SGCZ: variants seen among roughly 807,000 people sequenced by gnomAD.
SGCZ encodes the protein sarcoglycan zeta.
Under a neutral mutation model 41.3 loss-of-function variants are expected in SGCZ, and 40 were observed. The observed-to-expected ratio is 0.97, with a 90% CI of 0.75 to 1.26. The LOEUF (loss-of-function observed/expected upper bound fraction) is 1.26. Among genes scored for constraint, SGCZ ranks in the 50% most tolerant of loss-of-function variants. The pLI, the probability that SGCZ is intolerant of heterozygous loss-of-function variation, is 0.00. For synonymous variants in SGCZ, 206 were observed against 137.5 expected (o/e 1.50, Z -3.49); for missense variants, 552 against 369.8 (o/e 1.49, Z -4.04).
chr8:14,424,050 T>C (rs1169154782), intron 2 of SGCZ, among the ~76,000 whole-genome samples: 1 of 152,130 alleles, frequency 6.6e-6, no homozygotes, highest in East Asian at 1.9e-4. Context: ...CACAAAATAA[T>C]TTAGATAGAT....
intron 1 of SGCZ, among the ~76,000 whole-genome samples, chr8:15,127,253 CACAAACAA>C (rs762287923): frequency 0.2 from 1,948 of 9,916 alleles, 17 homozygotes; most frequent in South Asian, 0.45. Context: ...CACACACACA[CACAAACAA>C]ACACACACAC....
At chr8:14,860,693 AAG>A (rs1366235856) in intron 1 of SGCZ, among the ~76,000 whole-genome samples, 1 of 130,736 alleles carries the variant, frequency 7.6e-6, no homozygotes, top group Non-Finnish European at 1.6e-5. Context: ...AGAAAGAAAG[AAG>A]GAAAGAAAGA....
At chr8:14,159,504 G>T (rs1803977328) in intron 5 of SGCZ, among the ~76,000 whole-genome samples, 1 of 152,128 alleles carries the variant, frequency 6.6e-6, no homozygotes, top group Non-Finnish European at 1.5e-5. Context: ...GGAGACTTAA[G>T]GGGAAGGTGG....
intron 4 of SGCZ, among the ~76,000 whole-genome samples, chr8:14,220,770 G>C (rs982954662): frequency 3.7e-5 from 5 of 136,172 alleles, no homozygotes; most frequent in Non-Finnish European, 7.8e-5. Flanking sequence ...CTGGGCGACA[G>C]AGGGATACTC....
intron 4 of SGCZ, among the ~76,000 whole-genome samples, chr8:14,212,467 C>CAAAAAAAAAAAAAAA (rs33947419): frequency 9.2e-5 from 9 of 97,952 alleles, no homozygotes; most frequent in Non-Finnish European, 1.5e-4. Flanking sequence ...ATGCAAAAGA[C>CAAAAAAAAAAAAAAA]AAAAAAAAAA....
intron 3 of SGCZ, among the ~76,000 whole-genome samples, chr8:14,264,403 C>A (rs1186705023): frequency 1.3e-5 from 2 of 152,136 alleles, no homozygotes; most frequent in African/African-American, 4.8e-5. Flanking sequence ...GATGGAGCAT[C>A]TGGATCTTCC....
intron 5 of SGCZ, among the ~76,000 whole-genome samples, chr8:14,126,762 A>G (rs867948205): frequency 9.8e-5 from 15 of 152,346 alleles, no homozygotes; most frequent in Middle Eastern, 3.4e-3. Flanking sequence ...CAACTGGGTA[A>G]AGAAAATGTG....
At chr8:14,305,431 G>T (rs1234289147) in intron 3 of SGCZ, among the ~76,000 whole-genome samples, 2 of 151,978 alleles carry the variant, frequency 1.3e-5, no homozygotes, top group Non-Finnish European at 2.9e-5. Context: ...GGTTTCATGA[G>T]GTCTATATCT....
chr8:14,386,170 A>C (rs1459035015), intron 2 of SGCZ, among the ~76,000 whole-genome samples: 2 of 152,152 alleles, frequency 1.3e-5, no homozygotes, highest in Non-Finnish European at 2.9e-5. Context: ...ATTTCTCAGG[A>C]AAGTGAAGGG....
At position 14,286,816 on chromosome 8, in the gene SGCZ, G is replaced by C. The variant is rs957205396; in HGVS notation, c.336+37287C>G. 3.9e-5 allele frequency among the ~76,000 whole-genome samples: 6 copies of C among 152,154 alleles called. No individual in the cohort carries two copies. In the East Asian group the frequency reaches 1.2e-3, roughly 29 times the overall value. On this transcript the variant is annotated intron_variant, in intron 3 of 7. Coordinates refer to ENST00000382080, the MANE Select transcript of SGCZ (RefSeq NM_139167.4). Reference sequence around the variant, plus strand: ...AAGCTGCTAAGATACCCATAAAATTGTTTCTAGAAAGATTGAAGCAATTTG... The same window carrying C: ...AAGCTGCTAAGATACCCATAAAATTCTTTCTAGAAAGATTGAAGCAATTTG...
At chr8:14,994,729 G>A (rs141511419) in intron 1 of SGCZ, among the ~76,000 whole-genome samples, 2 of 152,148 alleles carry the variant, frequency 1.3e-5, no homozygotes, top group Non-Finnish European at 2.9e-5. Flanking sequence ...CTGACTCAAT[G>A]AGCATTTGTT....
intron 3 of SGCZ, among the ~76,000 whole-genome samples, chr8:14,299,810 C>T (rs1455686092): frequency 6.6e-6 from 1 of 151,752 alleles, no homozygotes; most frequent in Non-Finnish European, 1.5e-5. Flanking sequence ...TATGTATTCA[C>T]CCAAGAGTAA....
intron 1 of SGCZ, among the ~76,000 whole-genome samples, chr8:15,003,103 G>A (rs557796733): frequency 2.3e-4 from 35 of 152,084 alleles, no homozygotes; most frequent in African/African-American, 8.4e-4. Flanking sequence ...TATTAAAAGA[G>A]GTATATTGTC....
At chr8:14,250,376 G>A (rs1188147476) in intron 3 of SGCZ, among the ~76,000 whole-genome samples, 1 of 152,090 alleles carries the variant, frequency 6.6e-6, no homozygotes, top group Non-Finnish European at 1.5e-5. Context: ...ACAAAAATGT[G>A]TCGAAATTTT....
chr8:14,117,817 G>A (rs951673659), intron 5 of SGCZ, among the ~76,000 whole-genome samples: 1 of 151,206 alleles, frequency 6.6e-6, no homozygotes, highest in Non-Finnish European at 1.5e-5. Context: ...TCCCACTTAT[G>A]AGTGAGAACA....
Position 14,677,605 on chromosome 8 carries a change from T to C in SGCZ, c.40-122679A>G, listed in dbSNP as rs532048073. 9.9e-5 allele frequency among the ~76,000 whole-genome samples: 15 copies of C among 152,144 alleles called. No individual in the cohort carries two copies. In the South Asian group the frequency reaches 3.1e-3, roughly 32 times the overall value. The stretch of plus-strand genomic sequence containing the variant: ...GGCAAATACAGTGAAACCCAGTCTC[T>C]ACTAAAAATACAAAAATAAGCCAGG... On this transcript the variant is annotated intron_variant, in intron 1 of 7. Transcript: ENST00000382080.
chr8:14,716,094 A>T lies in SGCZ; in HGVS notation c.40-161168T>A, dbSNP rs184716611. ...AGATAGCAAAACTTAAACAAGGCCGATAAAGTGGAACCTAGAAATTAATTA... is the reference window on the plus strand; with the variant it reads ...AGATAGCAAAACTTAAACAAGGCCGTTAAAGTGGAACCTAGAAATTAATTA... On this transcript the variant is annotated intron_variant, in intron 1 of 7. Transcript: ENST00000382080. Among the ~76,000 whole-genome samples, 249 of 152,260 alleles carry T rather than the reference A, an allele frequency of 1.6e-3. 2 individuals carry two copies. Among genetic ancestry groups the T allele is most frequent in the Admixed American group, 4.6e-3 (71 of 15,296 alleles).
intron 5 of SGCZ, among the ~76,000 whole-genome samples, chr8:14,145,558 T>C (rs1803495490): frequency 6.6e-6 from 1 of 152,084 alleles, no homozygotes; most frequent in Non-Finnish European, 1.5e-5. Flanking sequence ...ATCAACACTA[T>C]CCAGGAAAAC....
At chr8:14,134,310 C>A (rs934915611) in intron 5 of SGCZ, among the ~76,000 whole-genome samples, 18 of 152,118 alleles carry the variant, frequency 1.2e-4, no homozygotes, top group African/African-American at 3.4e-4. Flanking sequence ...TCCTCCAGAA[C>A]ATACACACTT....
Sources: allele counts gnomAD v4.1 joint callset (sites outside exome capture counted in the v4.1 genomes callset), GRCh38; gene constraint gnomAD v4.1.1; transcripts MANE v1.5; gene names NCBI Gene and HGNC (gene_info 2026-07-23, HGNC 2026-07-21).